The following BLTP3A variants were observed in gnomAD, a reference collection of about 807,000 sequenced individuals.
The protein encoded by BLTP3A is ICBP90 binding protein 1.
chr6:34,823,200 C>T, the BLTP3A span: 1 of 1,413,472 alleles, frequency 7.1e-7, no homozygotes, highest in Non-Finnish European at 1.0e-6. Flanking sequence ...TCTGTGCTGT[C>T]ATTGTGCTGT....
chr6:34,802,030 C>T, the BLTP3A span, among the ~76,000 whole-genome samples: 1 of 152,154 alleles, frequency 6.6e-6, no homozygotes, highest in African/African-American at 2.4e-5. Flanking sequence ...AGCCACCATG[C>T]CTGGCCTGCA....
At chr6:34,851,292 C>G in the BLTP3A span, among the ~76,000 whole-genome samples, 1 of 152,080 alleles carries the variant, frequency 6.6e-6, no homozygotes, top group Non-Finnish European at 1.5e-5. Context: ...GTGAAGGCTT[C>G]CCAAGTATTC....
the BLTP3A span, chr6:34,874,180 G>A: frequency 6.6e-6 from 1 of 152,198 alleles, no homozygotes; most frequent in Non-Finnish European, 1.5e-5. Flanking sequence ...ATTTTACAGT[G>A]AAATCAAATG....
chr6:34,837,081 T>C, the BLTP3A span, among the ~76,000 whole-genome samples: 6 of 152,242 alleles, frequency 3.9e-5, no homozygotes, highest in African/African-American at 1.2e-4. Flanking sequence ...TAGGCTAATA[T>C]TAAGTTTTAT....
chr6:34,825,610 G>A, the BLTP3A span, among the ~76,000 whole-genome samples: 11 of 152,242 alleles, frequency 7.2e-5, no homozygotes, highest in South Asian at 2.1e-4. Flanking sequence ...TGCAGTCTCC[G>A]GCCTCTTTTC....
chr6:34,807,216 A>C, the BLTP3A span, among the ~76,000 whole-genome samples: 1 of 152,216 alleles, frequency 6.6e-6, no homozygotes, highest in Admixed American at 6.5e-5. Context: ...TAACAAAGTG[A>C]GACATGCCAA....
the BLTP3A span, among the ~76,000 whole-genome samples, chr6:34,803,952 A>G: frequency 6.6e-6 from 1 of 152,002 alleles, no homozygotes; most frequent in Non-Finnish European, 1.5e-5. Context: ...TTAAACTTGG[A>G]TGAAAGAAGG....
the BLTP3A span, chr6:34,836,063 T>G: frequency 6.9e-7 from 1 of 1,456,110 alleles, no homozygotes; most frequent in Non-Finnish European, 9.2e-7. Context: ...TGCTAAACTG[T>G]GGTTTTCTTC....
chr6:34,855,784 T>C, the BLTP3A span: 4 of 1,593,748 alleles, frequency 2.5e-6, no homozygotes, highest in South Asian at 3.4e-5. Context: ...CCCTGACCGC[T>C]TAACAGGAGG....
At chr6:34,834,014 A>G in the BLTP3A span, among the ~76,000 whole-genome samples, 1 of 151,670 alleles carries the variant, frequency 6.6e-6, no homozygotes, top group Admixed American at 6.6e-5. Context: ...AGACGAGAGG[A>G]TCACTTGAGG....
chr6:34,837,011 C>G, the BLTP3A span, among the ~76,000 whole-genome samples: 1 of 152,148 alleles, frequency 6.6e-6, no homozygotes, highest in Non-Finnish European at 1.5e-5. Flanking sequence ...CACTCATTAC[C>G]TCAAAAGTTG....
At chr6:34,856,678 G>T in the BLTP3A span, 1 of 1,395,550 alleles carries the variant, frequency 7.2e-7, no homozygotes, top group Non-Finnish European at 9.7e-7. Context: ...ACAGTGTTAA[G>T]CTCTCTTTCC....
the BLTP3A span, among the ~76,000 whole-genome samples, chr6:34,846,498 G>C: frequency 2.4e-4 from 37 of 152,046 alleles, no homozygotes; most frequent in African/African-American, 7.7e-4. Context: ...CACTTCTCTG[G>C]TTAAGTTTAT....
chr6:34,848,450 A>G, the BLTP3A span, among the ~76,000 whole-genome samples: 2 of 151,990 alleles, frequency 1.3e-5, no homozygotes, highest in African/African-American at 4.8e-5. Context: ...TACTAAAAAT[A>G]CAAAAATTAG....
the BLTP3A span, among the ~76,000 whole-genome samples, chr6:34,849,195 C>T: frequency 1.3e-5 from 2 of 152,008 alleles, no homozygotes; most frequent in Admixed American, 6.5e-5. Context: ...GACGGGGTTT[C>T]GCCATGTTGG....
the BLTP3A span, among the ~76,000 whole-genome samples, chr6:34,864,522 C>CTTTTTTTTTT: frequency 2.7e-5 from 3 of 109,456 alleles, no homozygotes; most frequent in African/African-American, 3.5e-5. Context: ...TGCTTATAGT[C>CTTTTTTTTTT]TTTTTTTTTT....
the BLTP3A span, chr6:34,859,533 C>T: frequency 3.7e-6 from 6 of 1,614,082 alleles, no homozygotes; most frequent in East Asian, 2.2e-5. Flanking sequence ...ATCGAATGAC[C>T]TCCACCATGC....
At chr6:34,858,762 C>T in the BLTP3A span, 1 of 1,614,054 alleles carries the variant, frequency 6.2e-7, no homozygotes, top group Admixed American at 1.7e-5. Flanking sequence ...GTGGTATGGA[C>T]AACAAAGGGC....
At chr6:34,858,821 C>T in the BLTP3A span, 1 of 1,614,124 alleles carries the variant, frequency 6.2e-7, no homozygotes, top group Non-Finnish European at 8.5e-7. Context: ...CTTGTACATT[C>T]CCCGGCCCAT....
Sources: allele counts gnomAD v4.1 joint callset (sites outside exome capture counted in the v4.1 genomes callset), GRCh38; gene constraint gnomAD v4.1.1; transcripts MANE v1.5; gene names NCBI Gene and HGNC (gene_info 2026-07-23, HGNC 2026-07-21).